Variants in KANK1 observed in about 807,000 individuals in gnomAD.
The protein encoded by KANK1 is KN motif and ankyrin repeat domain-containing protein 1.
KANK1 carries 109 observed loss-of-function variants against 106.2 expected under a neutral mutation model. The observed-to-expected ratio is 1.03, with a 90% CI of 0.88 to 1.20. KANK1 has a LOEUF of 1.20. KANK1 is among the 50% of genes most tolerant of loss of function. The pLI, the probability that KANK1 is intolerant of heterozygous loss-of-function variation, is 0.00. For missense variants in KANK1, 2,399 were observed against 1,710.7 expected (o/e 1.40, Z -7.10); for synonymous variants, 873 against 652.2 (o/e 1.34, Z -5.16).
At chr9:576,888 G>A (rs1820706158) in intron 1 of KANK1, among the ~76,000 whole-genome samples, 1 of 152,076 alleles carries the variant, frequency 6.6e-6, no homozygotes. Context: ...GTTCCTTCAG[G>A]TGGTTTCTTG....
chr9:504,365 G>A (rs1044268228), upstream of KANK1, among the ~76,000 whole-genome samples: 1 of 151,832 alleles, frequency 6.6e-6, no homozygotes, highest in East Asian at 2.0e-4. Context: ...CGGCGACGAA[G>A]GTGCACGAAG....
At chr9:515,058 G>T (rs1475099257) in intron 1 of KANK1, among the ~76,000 whole-genome samples, 1 of 151,828 alleles carries the variant, frequency 6.6e-6, no homozygotes, top group Non-Finnish European at 1.5e-5. Flanking sequence ...AACAAAGCCA[G>T]TTTGACCGGG....
chr9:533,479 G>C (rs540096310), intron 1 of KANK1, among the ~76,000 whole-genome samples: 1 of 152,296 alleles, frequency 6.6e-6, no homozygotes, highest in African/African-American at 2.4e-5. Flanking sequence ...ATACTACCTA[G>C]TGCTCCTGCA....
At chr9:498,028 C>A (rs1192917050) in intron 3 of KANK1, among the ~76,000 whole-genome samples, 2 of 152,140 alleles carry the variant, frequency 1.3e-5, no homozygotes, top group Admixed American at 6.5e-5. Flanking sequence ...CCCTCTTAGG[C>A]CCTGATGGGA....
intron 1 of KANK1, among the ~76,000 whole-genome samples, chr9:602,826 T>C (rs1828109056): frequency 6.6e-6 from 1 of 151,892 alleles, no homozygotes; most frequent in Admixed American, 6.5e-5. Flanking sequence ...GCAAAATAGA[T>C]CTTGTTTAGA....
intron 3 of KANK1, among the ~76,000 whole-genome samples, chr9:726,657 G>A (rs990474256): frequency 3.3e-5 from 5 of 151,492 alleles, no homozygotes; most frequent in African/African-American, 1.2e-4. Flanking sequence ...AAACTTGAAC[G>A]GAGACAAAAA....
chr9:573,052 T>A (rs1044607161), intron 1 of KANK1, among the ~76,000 whole-genome samples: 1 of 152,164 alleles, frequency 6.6e-6, no homozygotes, highest in Admixed American at 6.5e-5. Context: ...TAAATTGTAA[T>A]TACTGGCAGA....
chr9:552,639 A>G (rs1050649112), intron 1 of KANK1, among the ~76,000 whole-genome samples: 1 of 152,154 alleles, frequency 6.6e-6, no homozygotes, highest in African/African-American at 2.4e-5. Context: ...GCCAAAATGT[A>G]ATTTCTTTAA....
chr9:519,443 T>C (rs936261022), intron 1 of KANK1, among the ~76,000 whole-genome samples: 2 of 151,828 alleles, frequency 1.3e-5, no homozygotes, highest in African/African-American at 4.9e-5. Context: ...ACTTTGGGTA[T>C]TGTTTTTCTT....
At chr9:554,841 A>C (rs2061485675) in intron 1 of KANK1, among the ~76,000 whole-genome samples, 1 of 152,236 alleles carries the variant, frequency 6.6e-6, no homozygotes, top group Non-Finnish European at 1.5e-5. Flanking sequence ...GAACGATGTG[A>C]AAATTTAAAA....
intron 1 of KANK1, among the ~76,000 whole-genome samples, chr9:625,165 C>T (rs1376826228): frequency 6.6e-6 from 1 of 152,158 alleles, no homozygotes; most frequent in Non-Finnish European, 1.5e-5. Context: ...TGCAGATCAG[C>T]TCTAAGAGCC....
chr9:647,132 A>G (rs74564666), intron 1 of KANK1, among the ~76,000 whole-genome samples: 2,102 of 151,208 alleles, frequency 0.014, 209 homozygotes, highest in African/African-American at 0.049. Context: ...GGAGACATCC[A>G]AAGTTAATTA....
chr9:573,804 A>C (rs1310233860), intron 1 of KANK1, among the ~76,000 whole-genome samples: 1 of 150,918 alleles, frequency 6.6e-6, no homozygotes. Flanking sequence ...GCTGAGAGTG[A>C]CTGATGTCAG....
intron 1 of KANK1, 56 bp downstream of exon 1, chr9:504,810 A>C (rs2058664731): frequency 3.3e-5 from 1 of 30,134 alleles, no homozygotes; most frequent in Non-Finnish European, 5.9e-5. Flanking sequence ...GTTGTCCCGG[A>C]GCGCGAGGCC....
At chr9:691,442 A>G (rs1046766590) in intron 2 of KANK1, among the ~76,000 whole-genome samples, 6 of 150,304 alleles carry the variant, frequency 4.0e-5, no homozygotes, top group African/African-American at 1.5e-4. Context: ...ATTTTTTTTA[A>G]TAGAGACAAG....
At position 567,968 on chromosome 9, in the gene KANK1, C is replaced by T. The variant is rs958149163; in HGVS notation, c.-84+63214C>T. On this transcript the variant is annotated intron_variant, in intron 1 of 11. Coordinates refer to ENST00000382297, the MANE Select transcript of KANK1 (RefSeq NM_015158.5). ...CTTACAGTCTTCCAAAGAGAGAGTG[C>T]CAAAGTTCAACGCTTGGCATTGTTG... 7.9e-5 allele frequency among the ~76,000 whole-genome samples: 12 copies of T among 151,840 alleles called. 1 individual carries two copies. Among genetic ancestry groups the T allele is most frequent in the Admixed American group, 6.6e-4 (10 of 15,254 alleles).
At chr9:502,033 T>C (rs553300950), upstream of KANK1, among the ~76,000 whole-genome samples, 14 of 152,366 alleles carry the variant, frequency 9.2e-5, no homozygotes, top group African/African-American at 3.4e-4. Flanking sequence ...AGGAAGAAAG[T>C]ACTGAAACAT....
chr9:696,798 C>G (rs1024656393), intron 2 of KANK1, among the ~76,000 whole-genome samples: 2 of 151,904 alleles, frequency 1.3e-5, no homozygotes, highest in African/African-American at 4.8e-5. Flanking sequence ...TGTAAAATTT[C>G]TCAAATAATA....
At chr9:504,538 C>G (rs2058636839), upstream of KANK1, among the ~76,000 whole-genome samples, 1 of 151,592 alleles carries the variant, frequency 6.6e-6, no homozygotes, top group Non-Finnish European at 1.5e-5. Context: ...TCTCACGCGC[C>G]GCTCCGGGGC....
Sources: gnomAD v4.1 joint callset for allele counts (sites outside exome capture counted in the v4.1 genomes callset) on GRCh38, gnomAD v4.1.1 for gene constraint, MANE v1.5 for transcripts, NCBI Gene and HGNC (gene_info 2026-07-23, HGNC 2026-07-21) for gene names.